LMBRD1: variants seen among roughly 807,000 people sequenced by gnomAD.
The protein encoded by LMBRD1 is lysosomal cobalamin transport escort protein LMBD1.
Under a neutral mutation model 74.8 loss-of-function variants are expected in LMBRD1, and 64 were observed. That is an observed-to-expected ratio of 0.86 (90% CI 0.70 to 1.05). The LOEUF (loss-of-function observed/expected upper bound fraction) is 1.05. Ranked by LOEUF, LMBRD1 falls within the 50% of genes least tolerant of loss-of-function variation. The probability of loss-of-function intolerance (pLI) is 0.00; values close to 1 mark genes in which losing one functional copy is unlikely to be tolerated. For missense variants in LMBRD1, 652 were observed against 645.9 expected (o/e 1.01, Z -0.10); for synonymous variants, 204 against 216.3 (o/e 0.94, Z 0.50).
At chr6:69,690,790 A>T (rs1765860253) in intron 14 of LMBRD1, among the ~76,000 whole-genome samples, 2 of 152,122 alleles carry the variant, frequency 1.3e-5, no homozygotes, top group Non-Finnish European at 2.9e-5. Flanking sequence ...AAAAAATTCC[A>T]AACCAAAACC....
At chr6:69,686,834 A>G (rs1347180479) in intron 14 of LMBRD1, among the ~76,000 whole-genome samples, 1 of 152,216 alleles carries the variant, frequency 6.6e-6, no homozygotes, top group Non-Finnish European at 1.5e-5. Flanking sequence ...CAAGCCTATC[A>G]TTTGTAAGTT....
chr6:69,696,893 G>C (rs553779061), intron 14 of LMBRD1, among the ~76,000 whole-genome samples: 1 of 151,896 alleles, frequency 6.6e-6, no homozygotes, highest in East Asian at 1.9e-4. Flanking sequence ...TAAAATAAAA[G>C]CATGTTGAAG....
At chr6:69,743,912 A>G (rs1767161683) in intron 5 of LMBRD1, among the ~76,000 whole-genome samples, 1 of 152,192 alleles carries the variant, frequency 6.6e-6, no homozygotes, top group African/African-American at 2.4e-5. Context: ...CCTTTTAACC[A>G]CCAGAAGGAA....
At chr6:69,723,530 T>C (rs563491583) in intron 7 of LMBRD1, among the ~76,000 whole-genome samples, 89 of 152,052 alleles carry the variant, frequency 5.9e-4, no homozygotes, top group Non-Finnish European at 8.0e-4. Context: ...TAGAGAACTA[T>C]ACAAACACAT....
intron 7 of LMBRD1, among the ~76,000 whole-genome samples, chr6:69,728,595 T>C (rs1401357660): frequency 6.6e-6 from 1 of 152,166 alleles, no homozygotes; most frequent in Non-Finnish European, 1.5e-5. Flanking sequence ...CCAAGGAACC[T>C]TTTGCTCTAG....
intron 2 of LMBRD1, 93 bp from the exon 3 acceptor site, chr6:69,780,647 A>G: frequency 1.1e-6 from 1 of 894,586 alleles, no homozygotes; most frequent in Non-Finnish European, 1.8e-6. Flanking sequence ...TATCACTTCC[A>G]AAATCTATCC....
At chr6:69,681,774 T>C (rs542618625) in intron 14 of LMBRD1, among the ~76,000 whole-genome samples, 1 of 152,070 alleles carries the variant, frequency 6.6e-6, no homozygotes, top group Non-Finnish European at 1.5e-5. Context: ...ACTGTGCCAA[T>C]TGGTTCCTGA....
At chr6:69,726,643 C>T (rs1323018849) in intron 7 of LMBRD1, among the ~76,000 whole-genome samples, 3 of 152,114 alleles carry the variant, frequency 2.0e-5, no homozygotes, top group Non-Finnish European at 4.4e-5. Flanking sequence ...ACAAACATCA[C>T]ATGTTCTGAC....
At chr6:69,695,679 A>G (rs1200666503) in intron 14 of LMBRD1, among the ~76,000 whole-genome samples, 5 of 151,820 alleles carry the variant, frequency 3.3e-5, no homozygotes, top group African/African-American at 9.7e-5. Context: ...TATTTTTCCC[A>G]AATTATTTCT....
intron 2 of LMBRD1, among the ~76,000 whole-genome samples, chr6:69,782,216 C>T (rs1765848104): frequency 1.3e-5 from 2 of 152,172 alleles, no homozygotes; most frequent in South Asian, 2.1e-4. Flanking sequence ...TACTACTTGT[C>T]CAACAAATTA....
chr6:69,726,960 C>T (rs1766750418), intron 7 of LMBRD1, among the ~76,000 whole-genome samples: 1 of 152,018 alleles, frequency 6.6e-6, no homozygotes, highest in Admixed American at 6.5e-5. Context: ...TTGAGAACAG[C>T]CTGGTCAACA....
intron 1 of LMBRD1, among the ~76,000 whole-genome samples, chr6:69,796,102 T>C (rs898335424): frequency 3.3e-5 from 5 of 152,220 alleles, no homozygotes; most frequent in African/African-American, 1.2e-4. Context: ...CATTTCTATC[T>C]ACACTTTGCT....
intron 7 of LMBRD1, among the ~76,000 whole-genome samples, chr6:69,731,511 T>C (rs945939624): frequency 1.8e-4 from 28 of 152,122 alleles, no homozygotes; most frequent in Admixed American, 4.6e-4. Flanking sequence ...AGGATTTTCA[T>C]ACTTTGTGAT....
intron 14 of LMBRD1, among the ~76,000 whole-genome samples, chr6:69,696,243 C>T (rs74536497): frequency 0.016 from 2,466 of 152,264 alleles, 54 homozygotes; most frequent in African/African-American, 0.056. Context: ...TCTTAAATTG[C>T]TTTATTTCAC....
At chr6:69,792,874 G>A (rs1416276774) in intron 1 of LMBRD1, among the ~76,000 whole-genome samples, 3 of 152,104 alleles carry the variant, frequency 2.0e-5, no homozygotes, top group Non-Finnish European at 2.9e-5. Context: ...GCTAGGAAAC[G>A]GCAACCAGGC....
intron 11 of LMBRD1, 31 bp from the exon 12 acceptor site, chr6:69,700,900 ATATAAAC>A: frequency 8.0e-7 from 1 of 1,247,336 alleles, no homozygotes; most frequent in Non-Finnish European, 1.1e-6. Context: ...TAAATTTAAC[ATATAAAC>A]TATAAGCACT....
chr6:69,749,328 A>T lies in LMBRD1; in HGVS notation c.473+13T>A. The T allele has an allele frequency of 6.3e-7, 1 of 1,595,868 alleles. No homozygotes were observed. Among genetic ancestry groups the T allele is most frequent in the Non-Finnish European group, 8.6e-7 (1 of 1,167,640 alleles). On this transcript the variant is annotated intron_variant, in intron 5 of 15. Transcript: ENST00000649934. ...TCCATTTCATGGTTTAAAAAAAAAAAATCAAGACTTACCCAACTAAAAGAA... is the reference window on the plus strand; with the variant it reads ...TCCATTTCATGGTTTAAAAAAAAAATATCAAGACTTACCCAACTAAAAGAA...
intron 14 of LMBRD1, among the ~76,000 whole-genome samples, chr6:69,681,278 C>A (rs1025949351): frequency 6.6e-6 from 1 of 151,836 alleles, no homozygotes; most frequent in Non-Finnish European, 1.5e-5. Flanking sequence ...GCTACTACCA[C>A]CATTCCTTCA....
At chr6:69,790,269 A>C (rs779254567) in intron 2 of LMBRD1, 27 bp downstream of exon 2, 4 of 1,545,002 alleles carry the variant, frequency 2.6e-6, no homozygotes, top group Middle Eastern at 1.7e-4. Context: ...AAAGGAAAAA[A>C]AATCTGCAAA....
Sources: allele counts gnomAD v4.1 joint callset (sites outside exome capture counted in the v4.1 genomes callset), GRCh38; gene constraint gnomAD v4.1.1; transcripts MANE v1.5; gene names NCBI Gene and HGNC (gene_info 2026-07-23, HGNC 2026-07-21).